Variants in SAMD5 observed in about 807,000 individuals in gnomAD.
The protein encoded by SAMD5 is sterile alpha motif domain-containing protein 5.
A neutral mutation model predicts 11.3 loss-of-function variants in SAMD5; 13 were observed. The ratio of observed to expected loss-of-function variants is 1.15; its 90% confidence interval spans 0.75 to 1.83. The LOEUF is 1.83. Ranked by LOEUF, SAMD5 falls within the 40% of genes most tolerant of loss-of-function variation. SAMD5 has a pLI of 0.00. For missense variants in SAMD5, 255 were observed against 239.1 expected (o/e 1.07, Z -0.44); for synonymous variants, 129 against 111.3 (o/e 1.16, Z -1.00).
At chr6:147,630,661 T>G (rs6921015) in intron 1 of SAMD5, among the ~76,000 whole-genome samples, 71,865 of 151,112 alleles carry the variant, frequency 0.48, 17,512 homozygotes, top group Middle Eastern at 0.57. Context: ...CCCTCTTTTC[T>G]GACTCAGCCC....
At chr6:147,553,407 G>A (rs1240292327) in intron 1 of SAMD5, among the ~76,000 whole-genome samples, 1 of 152,164 alleles carries the variant, frequency 6.6e-6, no homozygotes, top group Non-Finnish European at 1.5e-5. Flanking sequence ...GGTTTGGTTT[G>A]AGGTAGTATG....
At chr6:147,949,788 A>T in the SAMD5 span, among the ~76,000 whole-genome samples, 1 of 152,212 alleles carries the variant, frequency 6.6e-6, no homozygotes, top group Non-Finnish European at 1.5e-5. Context: ...TGTGATATGG[A>T]TAACTAAAAG....
the SAMD5 span, among the ~76,000 whole-genome samples, chr6:147,950,994 A>G: frequency 6.6e-6 from 1 of 150,528 alleles, no homozygotes; most frequent in Non-Finnish European, 1.5e-5. Flanking sequence ...AATAAATTCT[A>G]AGATCTAGTA....
intron 1 of SAMD5, among the ~76,000 whole-genome samples, chr6:147,728,804 G>A (rs1019234337): frequency 6.6e-6 from 1 of 152,166 alleles, no homozygotes; most frequent in African/African-American, 2.4e-5. Flanking sequence ...TGTAGCAAAA[G>A]TTCTGTTTTT....
At chr6:147,759,069 G>T in the SAMD5 span, among the ~76,000 whole-genome samples, 1 of 152,132 alleles carries the variant, frequency 6.6e-6, no homozygotes, top group South Asian at 2.1e-4. Flanking sequence ...TAGTAACTGC[G>T]GTAGGCAATG....
At chr6:147,562,771 G>C (rs1788972915) in intron 1 of SAMD5, among the ~76,000 whole-genome samples, 1 of 151,890 alleles carries the variant, frequency 6.6e-6, no homozygotes, top group Admixed American at 6.6e-5. Context: ...GCAGTGAGCC[G>C]AGATCGCACC....
At chr6:147,718,970 C>T (rs1230332293) in intron 1 of SAMD5, among the ~76,000 whole-genome samples, 9 of 152,220 alleles carry the variant, frequency 5.9e-5, no homozygotes, top group Non-Finnish European at 1.0e-4. Flanking sequence ...GGATTACAGG[C>T]GTGAGCCACC....
At position 147,564,724 on chromosome 6, in the gene SAMD5, T is replaced by G. The variant is rs1789009556; in HGVS notation, c.*268T>G. On this transcript the variant is annotated 3_prime_UTR_variant, in exon 2 of 2. Transcript: ENST00000367474. ...GAAGATATCATGATGAGATACAGTC[T>G]TATGCATTTCTTGGCATTCTCCCTT... 2 of 1,108,940 alleles carry G rather than the reference T, an allele frequency of 1.8e-6. No individual in the cohort carries two copies. Among genetic ancestry groups the G allele is most frequent in the East Asian group, 6.0e-5 (1 of 16,548 alleles). The allele number at this position is 1,108,940 out of a possible 1,614,324, so 68.7% of individuals were successfully genotyped here.
chr6:147,550,667 C>G (rs879688916), intron 1 of SAMD5, among the ~76,000 whole-genome samples: 2 of 151,120 alleles, frequency 1.3e-5, no homozygotes, highest in Admixed American at 6.6e-5. Context: ...AAGTCAAAAC[C>G]AGCATGTTCT....
the SAMD5 span, among the ~76,000 whole-genome samples, chr6:147,795,216 TC>T: frequency 1.3e-5 from 1 of 74,498 alleles, no homozygotes; most frequent in Non-Finnish European, 2.6e-5. Flanking sequence ...CCCTCCCCCC[TC>T]CCCCCACCCC....
intron 1 of SAMD5, among the ~76,000 whole-genome samples, chr6:147,681,507 T>C (rs4394239): frequency 0.11 from 17,466 of 152,196 alleles, 1,095 homozygotes; most frequent in Middle Eastern, 0.16. Context: ...ATTCTATAAT[T>C]GGCATCATTT....
chr6:147,935,313 A>G, the SAMD5 span, among the ~76,000 whole-genome samples: 3 of 152,172 alleles, frequency 2.0e-5, no homozygotes, highest in African/African-American at 7.2e-5. Flanking sequence ...CCTTGAAGGA[A>G]GATGAAGCTT....
intron 1 of SAMD5, among the ~76,000 whole-genome samples, chr6:147,630,303 G>A (rs1468006491): frequency 1.3e-5 from 2 of 152,124 alleles, no homozygotes; most frequent in Non-Finnish European, 2.9e-5. Flanking sequence ...GAAAAAGAAT[G>A]GATCAAAGGG....
intron 1 of SAMD5, among the ~76,000 whole-genome samples, chr6:147,639,232 A>G (rs1247072088): frequency 6.6e-6 from 1 of 152,240 alleles, no homozygotes; most frequent in Non-Finnish European, 1.5e-5. Flanking sequence ...TAAGCAGAAT[A>G]CTATAATTGT....
the SAMD5 span, among the ~76,000 whole-genome samples, chr6:147,745,777 C>CTTTTTT: frequency 7.5e-6 from 1 of 133,264 alleles, no homozygotes; most frequent in Non-Finnish European, 1.6e-5. Flanking sequence ...TTCTTTCTTT[C>CTTTTTT]TTTTTTTTTT....
At chr6:147,951,057 T>A in the SAMD5 span, among the ~76,000 whole-genome samples, 2 of 151,430 alleles carry the variant, frequency 1.3e-5, no homozygotes, top group Non-Finnish European at 2.9e-5. Flanking sequence ...CTTAAAAAAA[T>A]TTTTCTCCCT....
At chr6:147,608,940 T>G (rs572985899) in intron 1 of SAMD5, among the ~76,000 whole-genome samples, 130 of 152,266 alleles carry the variant, frequency 8.5e-4, no homozygotes, top group Non-Finnish European at 9.7e-4. Flanking sequence ...TATATATATA[T>G]GTACTCACAA....
rs192961167 is a variant in SAMD5, at chr6:147,587,669, C to T, written c.162+78282C>T. Among the ~76,000 whole-genome samples, 204 of 152,314 alleles carry T rather than the reference C, an allele frequency of 1.3e-3. 1 individual carries two copies. Among genetic ancestry groups the T allele is most frequent in the African/African-American group, 4.6e-3 (191 of 41,572 alleles). ...TATAATGGCTATATTAATATGCCAA[C>T]AGGGATATGCTTTTCTGGCTGGTGA... On this transcript the variant is annotated intron_variant, in intron 1 of 1. Transcript: ENST00000566741.
chr6:147,817,527 G>A, the SAMD5 span, among the ~76,000 whole-genome samples: 2 of 152,220 alleles, frequency 1.3e-5, no homozygotes, highest in African/African-American at 4.8e-5. Flanking sequence ...CTTTCATGAG[G>A]TCATGCACCT....
Sources: gnomAD v4.1 joint callset for allele counts (sites outside exome capture counted in the v4.1 genomes callset) on GRCh38, gnomAD v4.1.1 for gene constraint, MANE v1.5 for transcripts, NCBI Gene and HGNC (gene_info 2026-07-23, HGNC 2026-07-21) for gene names.